The following ITPR1 variants were observed in gnomAD, a reference collection of about 807,000 sequenced individuals.
The protein encoded by ITPR1 is inositol 1,4,5-trisphosphate-gated calcium channel ITPR1.
ITPR1 carries 96 observed loss-of-function variants against 318.4 expected under a neutral mutation model. That is an observed-to-expected ratio of 0.30 (90% CI 0.26 to 0.36). The LOEUF (loss-of-function observed/expected upper bound fraction) is 0.36. ITPR1 is among the 10% of genes least tolerant of loss of function. The probability of loss-of-function intolerance (pLI) is 1.00; values close to 1 mark genes in which losing one functional copy is unlikely to be tolerated. For missense variants in ITPR1, 2,440 were observed against 3,460.2 expected (o/e 0.71, Z 7.40); for synonymous variants, 1,312 against 1,289.9 (o/e 1.02, Z -0.37).
chr3:4,684,349 A>G lies in ITPR1; in HGVS notation c.3564+3A>G, dbSNP rs376995397. 4 of 1,605,392 alleles carry G rather than the reference A, an allele frequency of 2.5e-6. No homozygotes were observed. The highest frequency in any genetic ancestry group is 3.4e-6 in the Non-Finnish European group (4 of 1,172,732). ...ACAACTACAGAGTGGTCAAAGAGGT[A>G]AGCTCCTCCCCCACCACCATTTTTC... On this transcript the variant is annotated splice_donor_region_variant and intron_variant, in intron 29 of 61. Transcript: ENST00000649015.
At chr3:4,663,494 A>G (rs934121753) in intron 16 of ITPR1, among the ~76,000 whole-genome samples, 2 of 152,130 alleles carry the variant, frequency 1.3e-5, no homozygotes, top group Admixed American at 6.5e-5. Context: ...TCAATAGACT[A>G]TTTTCTAGAG....
intron 60 of ITPR1, among the ~76,000 whole-genome samples, chr3:4,834,694 G>A (rs1461846840): frequency 6.6e-6 from 1 of 152,212 alleles, no homozygotes; most frequent in African/African-American, 2.4e-5. Flanking sequence ...ACACAGGAGA[G>A]ATGAGTACAG....
rs1466233104 is a variant in ITPR1 at position 4,768,374 on chromosome 3, G to A, written c.5726-137G>A. Reference sequence around the variant, plus strand: ...TGTCTGAGGACTGAGAGCAGATTGTGACTTCTTTGAGTGTTTTGCCAACTT... The same window carrying A: ...TGTCTGAGGACTGAGAGCAGATTGTAACTTCTTTGAGTGTTTTGCCAACTT... On this transcript the variant is annotated intron_variant, in intron 45 of 61. Transcript: ENST00000649015. 12 of 1,002,170 alleles carry A rather than the reference G, an allele frequency of 1.2e-5. No individual in the cohort carries two copies. The East Asian group carries it at 3.2e-4, about 27-fold the overall frequency. The allele number at this position is 1,002,170 out of a possible 1,614,324, so 62.1% of individuals were successfully genotyped here.
intron 16 of ITPR1, among the ~76,000 whole-genome samples, chr3:4,664,345 G>T (rs1401382204): frequency 6.6e-6 from 1 of 152,190 alleles, no homozygotes. Flanking sequence ...AATGCACAGA[G>T]ATGCATACCA....
At chr3:4,591,127 T>C (rs144222046) in intron 4 of ITPR1, among the ~76,000 whole-genome samples, 9,899 of 152,306 alleles carry the variant, frequency 0.065, 370 homozygotes, top group Middle Eastern at 0.099. Flanking sequence ...CAATCTGTCA[T>C]TGATGGGCAT....
In ITPR1 at chr3:4,659,855, C is replaced by A. The variant is rs569397146; in HGVS notation, c.1152-1133C>A. Among the ~76,000 whole-genome samples, 178 of 151,994 alleles carry A rather than the reference C, an allele frequency of 1.2e-3. 2 individuals are homozygous for A. The highest frequency in any genetic ancestry group is 4.2e-3 in the African/African-American group (174 of 41,444). On this transcript the variant is annotated intron_variant, in intron 13 of 61. Transcript: ENST00000649015. Reference sequence around the variant, plus strand: ...ATTCATATGTAATATGTTAATATTACATTGTAACAATAGAATATAATAAAT... The same window carrying A: ...ATTCATATGTAATATGTTAATATTAAATTGTAACAATAGAATATAATAAAT...
At chr3:4,620,677 T>C (rs1347985216) in intron 4 of ITPR1, among the ~76,000 whole-genome samples, 7 of 125,558 alleles carry the variant, frequency 5.6e-5, no homozygotes, top group African/African-American at 2.2e-4. Context: ...ATTTTCTTTG[T>C]GGGTTTTTTT....
intron 4 of ITPR1, among the ~76,000 whole-genome samples, chr3:4,543,940 T>C (rs1244541066): frequency 6.6e-6 from 1 of 152,252 alleles, no homozygotes; most frequent in African/African-American, 2.4e-5. Flanking sequence ...CACCATGTTC[T>C]TGTCACTTCA....
At chr3:4,602,054 A>G (rs1200544097) in intron 4 of ITPR1, among the ~76,000 whole-genome samples, 3 of 152,244 alleles carry the variant, frequency 2.0e-5, no homozygotes, top group African/African-American at 7.2e-5. Flanking sequence ...AGTGGTGAGA[A>G]TGTGGAGAAA....
chr3:4,798,132 C>G (rs894549195), intron 53 of ITPR1, among the ~76,000 whole-genome samples: 4 of 152,118 alleles, frequency 2.6e-5, no homozygotes, highest in Non-Finnish European at 5.9e-5. Flanking sequence ...CTTAAGAGTC[C>G]ATTTAAAATG....
intron 34 of ITPR1, among the ~76,000 whole-genome samples, chr3:4,698,751 A>G (rs952137397): frequency 2.6e-5 from 4 of 152,232 alleles, no homozygotes; most frequent in Admixed American, 2.6e-4. Context: ...TAAGGTGAGA[A>G]CATGAGAGTC....
chr3:4,534,479 T>C (rs918853964), intron 4 of ITPR1, among the ~76,000 whole-genome samples: 3 of 152,214 alleles, frequency 2.0e-5, no homozygotes, highest in African/African-American at 7.2e-5. Flanking sequence ...AGAGGGGCTA[T>C]AGGTGTGAAG....
intron 2 of ITPR1, among the ~76,000 whole-genome samples, chr3:4,495,215 A>G (rs1379080250): frequency 7.8e-6 from 1 of 128,252 alleles, no homozygotes; most frequent in Non-Finnish European, 1.6e-5. Flanking sequence ...GTACATCACT[A>G]TTGCTGCAGA....
chr3:4,627,152 A>G (rs1013519155), intron 4 of ITPR1, among the ~76,000 whole-genome samples: 18 of 147,252 alleles, frequency 1.2e-4, no homozygotes, highest in African/African-American at 3.8e-4. Flanking sequence ...AATAGTACTG[A>G]AGAGAGTTGG....
chr3:4,552,454 A>G (rs895011627), intron 4 of ITPR1, among the ~76,000 whole-genome samples: 7 of 152,146 alleles, frequency 4.6e-5, no homozygotes, highest in Admixed American at 1.3e-4. Flanking sequence ...CCCATTTATT[A>G]TAAAGGATAT....
chr3:4,727,789 G>A (rs534762151), intron 42 of ITPR1, among the ~76,000 whole-genome samples: 9 of 151,934 alleles, frequency 5.9e-5, no homozygotes, highest in African/African-American at 1.5e-4. Context: ...TTTCCCAGGC[G>A]GGTCTCAGAC....
chr3:4,654,432 A>G (rs1452221731), intron 12 of ITPR1, among the ~76,000 whole-genome samples: 4 of 152,234 alleles, frequency 2.6e-5, no homozygotes, highest in Non-Finnish European at 5.9e-5. Context: ...TTTAAGTGCA[A>G]AATGGCTCTT....
intron 60 of ITPR1, among the ~76,000 whole-genome samples, chr3:4,835,576 G>T (rs185804814): frequency 0.026 from 3,952 of 152,214 alleles, 57 homozygotes; most frequent in Middle Eastern, 0.044. Flanking sequence ...GTGTGTGTGT[G>T]TGTGGGAGGG....
intron 35 of ITPR1, among the ~76,000 whole-genome samples, chr3:4,701,949 A>C (rs922968204): frequency 1.3e-5 from 2 of 152,062 alleles, no homozygotes; most frequent in Non-Finnish European, 2.9e-5. Context: ...CGGGGTTTTC[A>C]ATACTTTTTT....
Sources: allele counts gnomAD v4.1 joint callset (sites outside exome capture counted in the v4.1 genomes callset), GRCh38; gene constraint gnomAD v4.1.1; transcripts MANE v1.5; gene names NCBI Gene and HGNC (gene_info 2026-07-23, HGNC 2026-07-21).